TAF1B: variants seen among roughly 807,000 people sequenced by gnomAD.
TAF1B encodes TATA-box binding protein associated factor, RNA polymerase I subunit B.
In TAF1B, 61 loss-of-function variants were observed where a neutral mutation model predicts 83.9. The ratio of observed to expected loss-of-function variants is 0.73; its 90% CI spans 0.59 to 0.90. TAF1B has a LOEUF of 0.90. Ranked by LOEUF, TAF1B falls within the 40% of genes least tolerant of loss-of-function variation. TAF1B has a pLI of 0.00. For synonymous variants in TAF1B, 221 were observed against 224.6 expected (o/e 0.98, Z 0.14); for missense variants, 625 against 677.0 (o/e 0.92, Z 0.85).
chr2:9,869,822 A>C (rs760044277), intron 6 of TAF1B, among the ~76,000 whole-genome samples: 1 of 152,028 alleles, frequency 6.6e-6, no homozygotes, highest in Non-Finnish European at 1.5e-5. Context: ...CAGTGAGCCA[A>C]GATCACACCA....
chr2:9,934,034 C>A lies in TAF1B; in HGVS notation c.*50C>A. 1 of 1,382,604 alleles carries A rather than the reference C, an allele frequency of 7.2e-7. No individual in the cohort carries two copies. The highest frequency in any genetic ancestry group is 9.9e-7 in the Non-Finnish European group (1 of 1,014,108). The allele number at this position is 1,382,604 out of a possible 1,614,324, so 85.6% of individuals were successfully genotyped here. ...AAAAATATTTTAATAGTGATAATAA[C>A]ATCAGATTTTAATATAACATTCCAG... On this transcript the variant is annotated 3_prime_UTR_variant, in exon 15 of 15. Transcript: ENST00000263663.
chr2:9,885,195 G>C (rs1664635891), intron 8 of TAF1B, among the ~76,000 whole-genome samples: 2 of 152,210 alleles, frequency 1.3e-5, no homozygotes, highest in South Asian at 4.1e-4. Flanking sequence ...TTCTAAGTCA[G>C]ATTACCATCT....
At chr2:9,862,551 C>G (rs1046733579) in intron 5 of TAF1B, among the ~76,000 whole-genome samples, 2 of 152,214 alleles carry the variant, frequency 1.3e-5, no homozygotes, top group African/African-American at 4.8e-5. Flanking sequence ...CTTCCCCAAT[C>G]TAGCAAGGCA....
intron 8 of TAF1B, among the ~76,000 whole-genome samples, chr2:9,902,990 C>T (rs1039821451): frequency 4.6e-5 from 7 of 152,138 alleles, no homozygotes; most frequent in Non-Finnish European, 1.0e-4. Context: ...TTGTCTTATT[C>T]ATCTTTTTAT....
At chr2:9,921,081 G>A (rs1466839789) in intron 14 of TAF1B, among the ~76,000 whole-genome samples, 1 of 151,918 alleles carries the variant, frequency 6.6e-6, no homozygotes, top group Non-Finnish European at 1.5e-5. Context: ...GGTCGATATT[G>A]GAATAATACA....
Position 9,910,734 on chromosome 2 carries a change from A to G in TAF1B, c.956-2A>G. The G allele has an allele frequency of 1.9e-6, 3 of 1,606,100 alleles. No homozygotes were observed. The highest frequency in any genetic ancestry group is 2.6e-6 in the Non-Finnish European group (3 of 1,174,812). On this transcript the variant is annotated splice_acceptor_variant, in intron 9 of 14. Coordinates refer to ENST00000263663, the MANE Select transcript of TAF1B (RefSeq NM_005680.3). LOFTEE classifies it high-confidence loss of function. ...TTTACATTTTACTGTTTTGTTCTTC[A>G]GATGAAATGCATAGCTTAACTTGCC...
At chr2:9,921,862 T>C (rs1338162315) in intron 14 of TAF1B, among the ~76,000 whole-genome samples, 1 of 152,230 alleles carries the variant, frequency 6.6e-6, no homozygotes, top group Admixed American at 6.5e-5. Context: ...TTTTATATAA[T>C]AATAGCGAAA....
intron 5 of TAF1B, among the ~76,000 whole-genome samples, chr2:9,865,324 T>G (rs2125144359): frequency 6.6e-6 from 1 of 152,222 alleles, no homozygotes; most frequent in Non-Finnish European, 1.5e-5. Context: ...AAATCATGAG[T>G]GAACTCCCAT....
At chr2:9,844,041 G>T (rs1663115848) in intron 1 of TAF1B, among the ~76,000 whole-genome samples, 1 of 152,196 alleles carries the variant, frequency 6.6e-6, no homozygotes, top group Non-Finnish European at 1.5e-5. Context: ...AAATTGTCCA[G>T]CTATCATTCA....
At chr2:9,861,093 A>G (rs180774121) in intron 5 of TAF1B, among the ~76,000 whole-genome samples, 297 of 152,350 alleles carry the variant, frequency 1.9e-3, no homozygotes, top group Middle Eastern at 6.8e-3. Flanking sequence ...AGTGCGGGAC[A>G]GTGGGTGCAG....
chr2:9,893,667 C>T (rs759608032), intron 8 of TAF1B, among the ~76,000 whole-genome samples: 29 of 151,798 alleles, frequency 1.9e-4, no homozygotes, highest in Non-Finnish European at 2.2e-4. Context: ...CCAGCCTGGA[C>T]GACAGAGCAA....
chr2:9,908,264 C>G (rs1665412526), intron 9 of TAF1B, among the ~76,000 whole-genome samples: 1 of 151,822 alleles, frequency 6.6e-6, no homozygotes, highest in East Asian at 1.9e-4. Context: ...CCAGGATGGT[C>G]TGGATCTCCT....
intron 14 of TAF1B, 116 bp downstream of exon 14, chr2:9,919,936 T>G: frequency 1.1e-6 from 1 of 944,782 alleles, no homozygotes; most frequent in South Asian, 1.7e-5. Context: ...AAAATCAGAA[T>G]TATACATTGA....
At chr2:9,864,351 A>G (rs1663889849) in intron 5 of TAF1B, among the ~76,000 whole-genome samples, 1 of 152,192 alleles carries the variant, frequency 6.6e-6, no homozygotes, top group Admixed American at 6.5e-5. Context: ...GAAATGAATA[A>G]ATTCCTCGAC....
At chr2:9,845,114 T>G in intron 1 of TAF1B, 106 bp from the exon 2 acceptor site, 1 of 688,782 alleles carries the variant, frequency 1.5e-6, no homozygotes, top group Non-Finnish European at 2.4e-6. Context: ...TATGATTTTT[T>G]ATTAATAAAG....
At chr2:9,890,959 A>G (rs960551913) in intron 8 of TAF1B, among the ~76,000 whole-genome samples, 5 of 152,078 alleles carry the variant, frequency 3.3e-5, no homozygotes, top group African/African-American at 1.2e-4. Context: ...TTTAGTAGAG[A>G]TGGGGTTTCT....
At chr2:9,907,813 A>G (rs2125170809) in intron 9 of TAF1B, among the ~76,000 whole-genome samples, 1 of 152,176 alleles carries the variant, frequency 6.6e-6, no homozygotes, top group Non-Finnish European at 1.5e-5. Context: ...CCCTTGACAG[A>G]TGAGACTTAG....
chr2:9,888,790 GTT>G lies in TAF1B; in HGVS notation c.807+6014_807+6015del, dbSNP rs56125595. On this transcript the variant is annotated intron_variant, in intron 8 of 14. Coordinates refer to ENST00000263663, the MANE Select transcript of TAF1B (RefSeq NM_005680.3). The stretch of plus-strand genomic sequence containing the variant: ...GTTTTCTTTATGTTTCTTCTGCTTG[GTT>G]TTTTTTTTTTTTTTTTTTTTTTTTT... 4.1e-3 allele frequency among the ~76,000 whole-genome samples: 337 copies of G among 81,624 alleles called. 9 individuals carry two copies. Among genetic ancestry groups the G allele is most frequent in the African/African-American group, 0.022 (281 of 12,892 alleles). The allele number at this position is 81,624 out of a possible 152,430, so 53.5% of individuals were successfully genotyped here.
At position 9,914,583 on chromosome 2, in the gene TAF1B, T is replaced by C. The variant is rs1665626934; in HGVS notation, c.1271+1334T>C. ...CACCAACCTACACTTTAAACATAGCTCTTGGAGGCCCAGTTCATTATTGCA... is the reference window on the plus strand; with the variant it reads ...CACCAACCTACACTTTAAACATAGCCCTTGGAGGCCCAGTTCATTATTGCA... On this transcript the variant is annotated intron_variant, in intron 12 of 14. Transcript: ENST00000263663. The surrounding 1 kb of genome is among the most constrained non-coding windows in gnomAD (Gnocchi z 4.3). Among the ~76,000 whole-genome samples, 1 of 152,096 alleles carries C rather than the reference T, an allele frequency of 6.6e-6. No individual in the cohort carries two copies. The highest frequency in any genetic ancestry group is 2.4e-5 in the African/African-American group (1 of 41,402).
Sources: gnomAD v4.1 joint callset for allele counts (sites outside exome capture counted in the v4.1 genomes callset) on GRCh38, gnomAD v4.1.1 for gene constraint, Gnocchi (gnomAD v3.1) non-coding constraint, MANE v1.5 for transcripts, NCBI Gene and HGNC (gene_info 2026-07-23, HGNC 2026-07-21) for gene names.